ARHGAP8: variants seen among roughly 807,000 people sequenced by gnomAD.
The protein encoded by ARHGAP8 is Rho GTPase activating protein 8.
ARHGAP8 carries 62 observed loss-of-function variants against 46.1 expected under a neutral mutation model. The ratio of observed to expected loss-of-function variants is 1.34; its 90% CI spans 1.10 to 1.66. The LOEUF (loss-of-function observed/expected upper bound fraction) is 1.66, where lower values mean the gene tolerates loss of function less well. ARHGAP8 is among the 40% of genes most tolerant of loss of function. The pLI is 0.00. For missense variants in ARHGAP8, 923 were observed against 568.4 expected, an observed-to-expected ratio of 1.62 and a Z score of -6.34; for synonymous variants, 375 against 243.1, an observed-to-expected ratio of 1.54 and a Z score of -5.05.
chr22:44,772,475 C>G (rs1926111532), intron 1 of ARHGAP8, among the ~76,000 whole-genome samples: 1 of 151,034 alleles, frequency 6.6e-6, no homozygotes, highest in African/African-American at 2.4e-5. Flanking sequence ...CAGGCATGAG[C>G]CACCGTGCTG....
At chr22:44,787,356 T>G (rs1927333833) in intron 2 of ARHGAP8, among the ~76,000 whole-genome samples, 2 of 111,886 alleles carry the variant, frequency 1.8e-5, no homozygotes, top group Admixed American at 1.9e-4. Flanking sequence ...TTTTGTTTTG[T>G]TTTGTTTGAG....
At position 44,786,585 on chromosome 22, in the gene ARHGAP8, C is replaced by T; in HGVS notation, c.58C>T (p.His20Tyr). 1 of 1,613,444 alleles carries T rather than the reference C, an allele frequency of 6.2e-7. No individual in the cohort carries two copies. The highest frequency in any genetic ancestry group is 2.2e-5 in the East Asian group (1 of 44,868). ...TCACCCGTTCTACGACGTGGCCAGA[C>T]ATGGCATTCTGCAGGTGGCAGGTAG... ...TSHPFYDVARHGILQVAGDDR... is the reference protein window; with the variant it reads ...TSHPFYDVARYGILQVAGDDR... Residue 20 changes from histidine to tyrosine, a missense_variant, in exon 2 of 12, where the codon CAT becomes TAT. By Grantham distance (83) the His-to-Tyr change is moderately conservative. Transcript: ENST00000356099.
At chr22:44,771,853 C>T (rs1311587595) in intron 1 of ARHGAP8, among the ~76,000 whole-genome samples, 1 of 152,162 alleles carries the variant, frequency 6.6e-6, no homozygotes, top group Non-Finnish European at 1.5e-5. Context: ...CCACGCCTGG[C>T]CTGCAAATAA....
At chr22:44,830,632 G>A (rs1294113984) in intron 7 of ARHGAP8, among the ~76,000 whole-genome samples, 3 of 152,104 alleles carry the variant, frequency 2.0e-5, no homozygotes, top group Non-Finnish European at 4.4e-5. Flanking sequence ...CACCTCCTGG[G>A]TTCAAGCGAT....
intron 4 of ARHGAP8, among the ~76,000 whole-genome samples, chr22:44,812,233 G>T (rs1483610917): frequency 1.3e-5 from 2 of 152,106 alleles, no homozygotes; most frequent in Non-Finnish European, 2.9e-5. Flanking sequence ...ACTAATGGAA[G>T]CCACTGGAAG....
intron 1 of ARHGAP8, among the ~76,000 whole-genome samples, chr22:44,772,340 ATTTTCTT>A (rs1926094804): frequency 4.1e-5 from 1 of 24,200 alleles, no homozygotes; most frequent in Non-Finnish European, 7.7e-5. Flanking sequence ...TTTTTTTTGT[ATTTTCTT>A]TTTTCTTTTT....
At chr22:44,824,709 T>C (rs1260962967) in intron 6 of ARHGAP8, among the ~76,000 whole-genome samples, 1 of 151,164 alleles carries the variant, frequency 6.6e-6, no homozygotes, top group African/African-American at 2.4e-5. Context: ...CTCGGCTCTC[T>C]GCAACCTCCA....
intron 7 of ARHGAP8, among the ~76,000 whole-genome samples, chr22:44,829,523 C>G (rs1022786426): frequency 2.0e-5 from 3 of 152,192 alleles, no homozygotes; most frequent in African/African-American, 7.2e-5. Flanking sequence ...ATCCCTCTCC[C>G]AGGGCCAGTT....
rs575199430 is a variant in ARHGAP8, at chr22:44,847,138, G to A, written c.671-835G>A. The stretch of plus-strand genomic sequence containing the variant: ...CAGTCCTAGGTCCTGGTGTTCCGGG[G>A]CACCCCCATCATGCACCGCAGGCCC... On this transcript the variant is annotated intron_variant, in intron 8 of 11. Transcript: ENST00000356099. Among the ~76,000 whole-genome samples, 249 of 152,284 alleles carry A rather than the reference G, an allele frequency of 1.6e-3. 1 individual carries two copies. Among genetic ancestry groups the A allele is most frequent in the African/African-American group, 5.8e-3 (241 of 41,554 alleles).
intron 5 of ARHGAP8, among the ~76,000 whole-genome samples, chr22:44,821,533 C>T (rs1205177903): frequency 6.6e-6 from 1 of 152,168 alleles, no homozygotes; most frequent in African/African-American, 2.4e-5. Flanking sequence ...CAAACCTAGA[C>T]TATCATAAAG....
intron 1 of ARHGAP8, among the ~76,000 whole-genome samples, chr22:44,754,373 T>TGTGTGAGA (rs1555907814): frequency 3.4e-5 from 5 of 147,480 alleles, no homozygotes; most frequent in African/African-American, 7.5e-5. Context: ...TGTGTGTGTG[T>TGTGTGAGA]GACGCAGTTT....
At chr22:44,846,184 G>A (rs2069951455) in intron 8 of ARHGAP8, among the ~76,000 whole-genome samples, 1 of 152,228 alleles carries the variant, frequency 6.6e-6, no homozygotes, top group South Asian at 2.1e-4. Context: ...CCACCGTGTG[G>A]TCCCTTGGCT....
chr22:44,806,397 C>T (rs1416023576), intron 3 of ARHGAP8, among the ~76,000 whole-genome samples: 5 of 152,166 alleles, frequency 3.3e-5, no homozygotes, highest in African/African-American at 1.2e-4. Context: ...TACATCAAAG[C>T]AGACAACGGG....
At chr22:44,852,496 T>C (rs2070122350) in intron 10 of ARHGAP8, among the ~76,000 whole-genome samples, 1 of 152,156 alleles carries the variant, frequency 6.6e-6, no homozygotes, top group Admixed American at 6.5e-5. Flanking sequence ...ATGCCCAGGC[T>C]CCATATTTGG....
intron 2 of ARHGAP8, 181 bp from the exon 3 acceptor site, chr22:44,801,896 G>A (rs1373114221): frequency 3.2e-6 from 2 of 625,590 alleles, no homozygotes; most frequent in Non-Finnish European, 5.6e-6. Context: ...GATGAACTTG[G>A]ACCACGTGCA....
At chr22:44,761,288 C>T (rs1925115212) in intron 1 of ARHGAP8, among the ~76,000 whole-genome samples, 1 of 152,192 alleles carries the variant, frequency 6.6e-6, no homozygotes, top group African/African-American at 2.4e-5. Flanking sequence ...ACTCTGTATC[C>T]ATGGGCTCCA....
chr22:44,852,474 A>G (rs1447267235), intron 10 of ARHGAP8, among the ~76,000 whole-genome samples: 1 of 152,114 alleles, frequency 6.6e-6, no homozygotes, highest in Non-Finnish European at 1.5e-5. Context: ...TCAGCTCAAT[A>G]ACATATTCAG....
intron 10 of ARHGAP8, among the ~76,000 whole-genome samples, chr22:44,856,329 T>C (rs1601527100): frequency 7.4e-6 from 1 of 134,420 alleles, no homozygotes; most frequent in East Asian, 2.3e-4. Flanking sequence ...CAGAGTGCAG[T>C]GGCTGAGATT....
intron 2 of ARHGAP8, among the ~76,000 whole-genome samples, chr22:44,793,174 T>C (rs1602183171): frequency 1.3e-5 from 2 of 152,186 alleles, no homozygotes; most frequent in Non-Finnish European, 2.9e-5. Context: ...AAGTGGTCAT[T>C]GTGGGGCTGA....
Sources: allele counts gnomAD v4.1 joint callset (sites outside exome capture counted in the v4.1 genomes callset), GRCh38; gene constraint gnomAD v4.1.1; transcripts MANE v1.5; gene names NCBI Gene and HGNC (gene_info 2026-07-23, HGNC 2026-07-21).